Variants in CSMD3 observed in about 807,000 individuals in gnomAD.
CSMD3 encodes CUB and Sushi multiple domains 3.
In CSMD3, 177 loss-of-function variants were observed where a neutral mutation model predicts 435.2. That is an observed-to-expected ratio of 0.41 (90% CI 0.36 to 0.46). The LOEUF (loss-of-function observed/expected upper bound fraction) is 0.46, where lower values mean the gene tolerates loss of function less well. Among genes scored for constraint, CSMD3 ranks in the 20% least tolerant of loss-of-function variants. CSMD3 has a pLI of 0.34. For synonymous variants in CSMD3, 1,656 were observed against 1,520.5 expected (o/e 1.09, Z -2.07); for missense variants, 4,265 against 4,504.6 (o/e 0.95, Z 1.52).
In CSMD3 at chr8:112,811,905, G is replaced by T. The variant is rs754638700; in HGVS notation, c.1860-11631C>A. On this transcript the variant is annotated intron_variant, in intron 12 of 70. Coordinates refer to ENST00000297405, the MANE Select transcript of CSMD3 (RefSeq NM_198123.2). Reference sequence around the variant, plus strand: ...GCTCCCTCTCAAACACCTTGGTTTAGATTCAAATGGTAGAAACCTTCAACC... The same window carrying T: ...GCTCCCTCTCAAACACCTTGGTTTATATTCAAATGGTAGAAACCTTCAACC... 3.9e-5 allele frequency among the ~76,000 whole-genome samples: 6 copies of T among 152,162 alleles called. 1 individual carries two copies. The highest frequency in any genetic ancestry group is 7.3e-5 in the Non-Finnish European group (5 of 68,030).
chr8:112,950,785 C>T (rs2083779490), intron 8 of CSMD3, among the ~76,000 whole-genome samples: 1 of 151,906 alleles, frequency 6.6e-6, no homozygotes, highest in South Asian at 2.1e-4. Context: ...CTACTATTAA[C>T]CCGGAGCTCT....
At chr8:112,937,080 T>G (rs1318174738) in intron 9 of CSMD3, among the ~76,000 whole-genome samples, 1 of 152,114 alleles carries the variant, frequency 6.6e-6, no homozygotes, top group Non-Finnish European at 1.5e-5. Flanking sequence ...GCTTTGTTAT[T>G]CATGTTATCT....
intron 22 of CSMD3, among the ~76,000 whole-genome samples, chr8:112,615,765 C>G (rs7017061): frequency 0.58 from 87,508 of 151,794 alleles, 25,798 homozygotes; most frequent in African/African-American, 0.69. Context: ...CTTTGGGACA[C>G]TGGAGCTGCT....
chr8:113,290,550 G>A (rs2093679187), intron 2 of CSMD3, among the ~76,000 whole-genome samples: 1 of 151,424 alleles, frequency 6.6e-6, no homozygotes, highest in Non-Finnish European at 1.5e-5. Flanking sequence ...ATTTATTTGT[G>A]TGTATGCATG....
intron 12 of CSMD3, among the ~76,000 whole-genome samples, chr8:112,828,010 T>A: frequency 6.6e-6 from 1 of 152,182 alleles, no homozygotes; most frequent in East Asian, 1.9e-4. Context: ...GCACAGCTAA[T>A]CATCAGAGCA....
chr8:112,565,704 A>G (rs1829004794), intron 24 of CSMD3, among the ~76,000 whole-genome samples: 1 of 152,136 alleles, frequency 6.6e-6, no homozygotes. Context: ...GCTGGGCAAC[A>G]TGCATATTTA....
At chr8:112,907,106 C>A (rs1473586966) in intron 10 of CSMD3, among the ~76,000 whole-genome samples, 3 of 151,398 alleles carry the variant, frequency 2.0e-5, no homozygotes, top group Non-Finnish European at 3.0e-5. Flanking sequence ...AAAGACAAAT[C>A]AGAAAAGGGA....
intron 5 of CSMD3, among the ~76,000 whole-genome samples, chr8:113,064,671 C>T (rs1225444956): frequency 1.3e-5 from 2 of 152,168 alleles, no homozygotes; most frequent in Non-Finnish European, 2.9e-5. Context: ...CTTGAGAGAG[C>T]TGATTCTGTT....
intron 3 of CSMD3, among the ~76,000 whole-genome samples, chr8:113,228,922 A>G (rs367923210): frequency 3.6e-4 from 55 of 151,716 alleles, no homozygotes; most frequent in Middle Eastern, 6.8e-3. Context: ...GTGCCCATCC[A>G]TGCAAAAGTA....
chr8:113,399,564 T>C (rs1213595316), intron 1 of CSMD3, among the ~76,000 whole-genome samples: 2 of 151,912 alleles, frequency 1.3e-5, no homozygotes, highest in African/African-American at 4.8e-5. Context: ...ATATATTTTA[T>C]GTGTCTCTAC....
chr8:112,363,568 G>A (rs532103911), intron 38 of CSMD3, among the ~76,000 whole-genome samples: 1 of 152,038 alleles, frequency 6.6e-6, no homozygotes, highest in African/African-American at 2.4e-5. Context: ...ACCAGGACCA[G>A]TGTCCCTAGC....
At chr8:112,329,421 TC>T (rs769014265) in intron 45 of CSMD3, among the ~76,000 whole-genome samples, 2 of 151,876 alleles carry the variant, frequency 1.3e-5, no homozygotes, top group African/African-American at 2.4e-5. Context: ...TATATTCCAT[TC>T]CCCCCCACCT....
chr8:112,799,213 A>C (rs11776352), intron 13 of CSMD3, among the ~76,000 whole-genome samples: 80,324 of 151,204 alleles, frequency 0.53, 21,915 homozygotes, highest in East Asian at 0.76. Flanking sequence ...TAGTCACACA[A>C]AAAAAAACAC....
At chr8:112,815,515 C>G (rs1252649217) in intron 12 of CSMD3, among the ~76,000 whole-genome samples, 2 of 152,080 alleles carry the variant, frequency 1.3e-5, no homozygotes, top group Non-Finnish European at 2.9e-5. Context: ...TTGCTTATAA[C>G]ACTCATTATT....
intron 7 of CSMD3, among the ~76,000 whole-genome samples, chr8:112,961,753 C>A (rs540500211): frequency 1.8e-4 from 27 of 152,022 alleles, no homozygotes; most frequent in Non-Finnish European, 3.1e-4. Flanking sequence ...TGTAACTAAT[C>A]ATTGCATAAA....
At chr8:112,817,719 A>G (rs749755243) in intron 12 of CSMD3, among the ~76,000 whole-genome samples, 6 of 152,126 alleles carry the variant, frequency 3.9e-5, no homozygotes, top group Non-Finnish European at 7.4e-5. Context: ...GGCCATAGAT[A>G]TGGCACAACA....
intron 22 of CSMD3, among the ~76,000 whole-genome samples, chr8:112,636,480 GTCTA>G (rs201728759): frequency 1.1e-3 from 124 of 112,144 alleles, no homozygotes; most frequent in Non-Finnish European, 1.9e-3. Flanking sequence ...ATTTCTATCT[GTCTA>G]TCTGTCTATC....
At chr8:113,009,841 T>C (rs2086192583) in intron 6 of CSMD3, among the ~76,000 whole-genome samples, 1 of 151,736 alleles carries the variant, frequency 6.6e-6, no homozygotes, top group South Asian at 2.1e-4. Flanking sequence ...TTCTTGAGTT[T>C]TTCAATAACA....
chr8:113,345,540 T>C (rs1012820240), intron 1 of CSMD3, among the ~76,000 whole-genome samples: 3 of 152,144 alleles, frequency 2.0e-5, no homozygotes, highest in Admixed American at 2.0e-4. Flanking sequence ...GCTTAAGCAA[T>C]GAGAAGTTCC....
Sources: gnomAD v4.1 joint callset for allele counts (sites outside exome capture counted in the v4.1 genomes callset) on GRCh38, gnomAD v4.1.1 for gene constraint, MANE v1.5 for transcripts, NCBI Gene and HGNC (gene_info 2026-07-23, HGNC 2026-07-21) for gene names.